The following DIP2C variants were observed in gnomAD, a reference collection of about 807,000 sequenced individuals.
DIP2C encodes the protein DIP2 acetate--CoA ligase C (putative).
A neutral mutation model predicts 192.4 loss-of-function variants in DIP2C; 33 were observed. The observed-to-expected ratio is 0.17, with a 90% confidence interval of 0.13 to 0.23. The LOEUF is 0.23. Among genes scored for constraint, DIP2C ranks in the 10% least tolerant of loss-of-function variants. DIP2C has a pLI of 1.00. For synonymous variants in DIP2C, 979 were observed against 864.1 expected (o/e 1.13, Z -2.33); for missense variants, 1,537 against 2,110.1 (o/e 0.73, Z 5.32).
At chr10:579,767 A>G (rs1422918165) in intron 1 of DIP2C, among the ~76,000 whole-genome samples, 6 of 152,076 alleles carry the variant, frequency 3.9e-5, no homozygotes, top group African/African-American at 1.2e-4. Context: ...GTACATGCAG[A>G]GCATACACAT....
At chr10:671,066 G>A (rs1022772296) in intron 1 of DIP2C, among the ~76,000 whole-genome samples, 1 of 152,238 alleles carries the variant, frequency 6.6e-6, no homozygotes, top group East Asian at 1.9e-4. Flanking sequence ...AGCTGGGTGG[G>A]CACCAAGCCC....
chr10:599,833 C>T (rs944299428), intron 1 of DIP2C, among the ~76,000 whole-genome samples: 4 of 152,204 alleles, frequency 2.6e-5, no homozygotes, highest in Non-Finnish European at 5.9e-5. Flanking sequence ...ACAGACTTTC[C>T]TCCATGCACT....
chr10:481,615 T>C (rs1262035775), intron 2 of DIP2C, among the ~76,000 whole-genome samples: 1 of 152,240 alleles, frequency 6.6e-6, no homozygotes, highest in Non-Finnish European at 1.5e-5. Context: ...CATGTTACCA[T>C]CTGCCATTTA....
Position 277,565 on chromosome 10 carries a change from G to T in DIP2C, c.4431C>A (p.Thr1477=). The change falls in exon 37 of 37, where the codon ACC becomes ACA. Residue 1477 remains threonine (T), a synonymous_variant. Coordinates refer to ENST00000280886, the MANE Select transcript of DIP2C (RefSeq NM_014974.3). The part of the protein sequence containing the change: ...HKSVTECAVF[T]WTNLLVVVVE... ...CCACAACCACCAACAAATTTGTCCA[G>T]GTAAACACAGCACTAAAAGACAGAA... 6.2e-7 allele frequency: 1 copy of T among 1,613,916 alleles called. No homozygotes were observed. Among genetic ancestry groups the T allele is most frequent in the Non-Finnish European group, 8.5e-7 (1 of 1,180,000 alleles).
At chr10:483,791 T>A (rs1843796180) in intron 2 of DIP2C, among the ~76,000 whole-genome samples, 1 of 151,850 alleles carries the variant, frequency 6.6e-6, no homozygotes, top group South Asian at 2.1e-4. Context: ...ACTGTAATAA[T>A]AAAGTTTGCC....
At chr10:665,173 G>C (rs1218069517) in intron 1 of DIP2C, 2 of 152,198 alleles carry the variant, frequency 1.3e-5, no homozygotes, top group Non-Finnish European at 2.9e-5. Context: ...TTCTGCACCT[G>C]TGAGTTCTCT....
intron 2 of DIP2C, among the ~76,000 whole-genome samples, chr10:480,800 G>A (rs1361292402): frequency 6.6e-6 from 1 of 152,226 alleles, no homozygotes; most frequent in Admixed American, 6.5e-5. Context: ...AGCTAAGCGT[G>A]GTACCCTGTG....
At chr10:345,168 A>C (rs1958376712) in intron 26 of DIP2C, 58 bp from the exon 27 acceptor site, 2 of 1,490,546 alleles carry the variant, frequency 1.3e-6, no homozygotes, top group Non-Finnish European at 1.8e-6. Context: ...AAGCGTGCTC[A>C]CTTCACACGG....
rs184455626 is a variant in DIP2C at position 291,774 on chromosome 10, G to A, written c.3987-3353C>T. ...TATGAATCTGAAGTGCTTGTGGTGC[G>A]TGAGTTATAAGTAGCTGGGGTTATT... is the stretch of plus-strand genomic sequence containing the variant. On this transcript the variant is annotated intron_variant, in intron 32 of 36. Transcript: ENST00000280886. 5.3e-5 allele frequency among the ~76,000 whole-genome samples: 8 copies of A among 152,328 alleles called. No individual in the cohort carries two copies. In the East Asian group the frequency reaches 1.2e-3, roughly 22 times the overall value.
chr10:305,401 C>A lies in DIP2C; in HGVS notation c.3986+4630G>T, dbSNP rs1956269632. On this transcript the variant is annotated intron_variant, in intron 32 of 36. Coordinates refer to ENST00000280886, the MANE Select transcript of DIP2C (RefSeq NM_014974.3). ...TTAAGCTGTTTGTCTTTGTCTCTAT[C>A]TTCACTCCCTCCATTCTGCTGCTAA... Among the ~76,000 whole-genome samples, 4 of 130,266 alleles carry A rather than the reference C, an allele frequency of 3.1e-5. 1 individual carries two copies. The Admixed American group carries it at 3.4e-4, about 11-fold the overall frequency. 85.5% of individuals were successfully genotyped at this position (130,266 alleles called of 152,430 possible).
chr10:593,209 T>G (rs1041297397), intron 1 of DIP2C, among the ~76,000 whole-genome samples: 3 of 152,056 alleles, frequency 2.0e-5, no homozygotes, highest in Admixed American at 1.3e-4. Context: ...CATCCCTGCC[T>G]CATTCAACAT....
intron 31 of DIP2C, among the ~76,000 whole-genome samples, chr10:315,361 T>C (rs774725153): frequency 2.0e-5 from 3 of 152,248 alleles, no homozygotes; most frequent in Non-Finnish European, 4.4e-5. Flanking sequence ...CATTTTGCTA[T>C]CATTTATTTT....
intron 17 of DIP2C, among the ~76,000 whole-genome samples, chr10:376,054 T>G (rs1200485012): frequency 6.6e-6 from 1 of 152,186 alleles, no homozygotes; most frequent in East Asian, 1.9e-4. Context: ...CGGTAACATT[T>G]GTTGAATTCT....
chr10:590,360 T>TTC (rs1308378055), intron 1 of DIP2C, among the ~76,000 whole-genome samples: 1 of 152,174 alleles, frequency 6.6e-6, no homozygotes, highest in Non-Finnish European at 1.5e-5. Context: ...CAGCAAGCTG[T>TTC]TCCTTGGCTC....
intron 1 of DIP2C, among the ~76,000 whole-genome samples, chr10:575,975 T>A (rs994111832): frequency 3.9e-5 from 6 of 152,212 alleles, no homozygotes; most frequent in Non-Finnish European, 2.9e-5. Context: ...TCCTTGCAGA[T>A]GCTACTCCTG....
At chr10:337,013 GTGT>G (rs1957822919) in intron 29 of DIP2C, among the ~76,000 whole-genome samples, 1 of 53,646 alleles carries the variant, frequency 1.9e-5, no homozygotes, top group Non-Finnish European at 3.4e-5. Context: ...CTAGGCAGCT[GTGT>G]GTGTGTGTGT....
intron 1 of DIP2C, among the ~76,000 whole-genome samples, chr10:672,163 G>A (rs1278462204): frequency 2.0e-5 from 3 of 150,804 alleles, no homozygotes; most frequent in African/African-American, 7.3e-5. Context: ...GGCCACAGAC[G>A]CATGGACGGA....
At chr10:458,793 G>A (rs867317867) in intron 3 of DIP2C, among the ~76,000 whole-genome samples, 4 of 151,868 alleles carry the variant, frequency 2.6e-5, no homozygotes, top group African/African-American at 4.8e-5. Flanking sequence ...GTGACGGCAA[G>A]GAGGATGCCC....
At chr10:575,792 C>T (rs1419362113) in intron 1 of DIP2C, among the ~76,000 whole-genome samples, 1 of 152,218 alleles carries the variant, frequency 6.6e-6, no homozygotes, top group Non-Finnish European at 1.5e-5. Flanking sequence ...GCACAGTTTC[C>T]TCCCACCCAA....
Sources: gnomAD v4.1 joint callset for allele counts (sites outside exome capture counted in the v4.1 genomes callset) on GRCh38, gnomAD v4.1.1 for gene constraint, MANE v1.5 for transcripts, NCBI Gene and HGNC (gene_info 2026-07-23, HGNC 2026-07-21) for gene names.